Variants in TSHR observed in about 807,000 individuals in gnomAD.
The protein encoded by TSHR is thyroid stimulating hormone receptor.
Under a neutral mutation model 64.1 loss-of-function variants are expected in TSHR, and 51 were observed. The ratio of observed to expected loss-of-function variants is 0.80; its 90% CI spans 0.64 to 1.01. The LOEUF (loss-of-function observed/expected upper bound fraction) is 1.01. Ranked by LOEUF, TSHR falls within the 50% of genes least tolerant of loss-of-function variation. TSHR has a pLI of 0.00. For synonymous variants in TSHR, 361 were observed against 361.9 expected (o/e 1.00, Z 0.03); for missense variants, 877 against 942.8 (o/e 0.93, Z 0.91).
At chr14:81,087,824 TG>T in intron 3 of TSHR, 129 bp from the exon 4 acceptor site, 1 of 763,664 alleles carries the variant, frequency 1.3e-6, no homozygotes. Context: ...CTACAGCCCC[TG>T]GGGTACCCTG....
At chr14:81,095,074 T>C (rs1365305294) in intron 6 of TSHR, among the ~76,000 whole-genome samples, 3 of 152,126 alleles carry the variant, frequency 2.0e-5, no homozygotes, top group African/African-American at 7.2e-5. Context: ...ATGTGGTAGA[T>C]TACTGTGGTT....
intron 8 of TSHR, among the ~76,000 whole-genome samples, chr14:81,132,709 T>G (rs1302383123): frequency 6.6e-6 from 1 of 152,194 alleles, no homozygotes; most frequent in African/African-American, 2.4e-5. Context: ...GCCCATTGCT[T>G]GATGAGCTCT....
At chr14:80,980,098 T>G (rs1231248713) in intron 1 of TSHR, among the ~76,000 whole-genome samples, 3 of 152,236 alleles carry the variant, frequency 2.0e-5, no homozygotes, top group Non-Finnish European at 4.4e-5. Flanking sequence ...TTTCAGCCAC[T>G]TTGAACTATT....
chr14:80,974,843 G>T (rs1263086175), intron 1 of TSHR, among the ~76,000 whole-genome samples: 1 of 152,280 alleles, frequency 6.6e-6, no homozygotes, highest in Non-Finnish European at 1.5e-5. Flanking sequence ...CTGGTATAAA[G>T]CTATGTCAGC....
chr14:81,143,354 T>C lies in TSHR; in HGVS notation c.1296T>C (p.Asn432=), dbSNP rs764820087. The change falls in exon 10 of 10, where the codon AAT becomes AAC. Residue 432 remains asparagine, a synonymous_variant. Coordinates refer to ENST00000298171, the MANE Select transcript of TSHR (RefSeq NM_000369.5). ...TTAGTCTGCTGGCTCTCCTGGGCAA[T>C]GTCTTTGTCCTGCTTATTCTCCTCA... ...WFVSLLALLG[N]VFVLLILLTS... is the part of the protein sequence containing the mutation. 24 of 1,614,080 alleles carry C rather than the reference T, an allele frequency of 1.5e-5. No individual in the cohort carries two copies. Among genetic ancestry groups the C allele is most frequent in the African/African-American group, 2.7e-5 (2 of 74,926 alleles).
chr14:80,998,735 T>C (rs1566755528), intron 1 of TSHR, among the ~76,000 whole-genome samples: 1 of 151,992 alleles, frequency 6.6e-6, no homozygotes, highest in Non-Finnish European at 1.5e-5. Context: ...GTGTGTGCAA[T>C]AGAGTAGAAG....
intron 8 of TSHR, among the ~76,000 whole-genome samples, chr14:81,112,074 T>TC (rs1011967700): frequency 2.6e-5 from 4 of 152,108 alleles, no homozygotes; most frequent in African/African-American, 9.7e-5. Flanking sequence ...GAAAATGCTT[T>TC]CCCTGCCTCT....
chr14:80,996,783 G>A (rs1034350566), intron 1 of TSHR, among the ~76,000 whole-genome samples: 1 of 151,994 alleles, frequency 6.6e-6, no homozygotes, highest in East Asian at 1.9e-4. Context: ...AGGTGGGTGC[G>A]GATGGTGGGA....
intron 4 of TSHR, among the ~76,000 whole-genome samples, chr14:81,088,409 A>C (rs866113508): frequency 6.6e-6 from 1 of 152,244 alleles, no homozygotes; most frequent in African/African-American, 2.4e-5. Flanking sequence ...AAACCCACAA[A>C]GAGTAAAATA....
intron 8 of TSHR, among the ~76,000 whole-genome samples, chr14:81,109,114 C>T (rs1444191255): frequency 6.6e-6 from 1 of 152,100 alleles, no homozygotes; most frequent in African/African-American, 2.4e-5. Context: ...TAGTCCTTGC[C>T]AAAGTGGATC....
rs372613205 is a variant in TSHR at position 81,144,743 on chromosome 14, A to G, written c.*390A>G. 9.3e-5 allele frequency: 25 copies of G among 268,822 alleles called. No homozygotes were observed. The highest frequency in any genetic ancestry group is 3.9e-4 in the African/African-American group (18 of 46,028). The allele number at this position is 268,822 out of a possible 1,614,324, so 16.7% of individuals were successfully genotyped here. A position where few individuals can be genotyped will look rare whatever the true frequency, so the allele number is the denominator to read the frequency against. ...AAAGATTCAGCAAATGGAAAATGCT[A>G]TTAATTTGGTTGGTGACCACAAGAT... On this transcript the variant is annotated 3_prime_UTR_variant, in exon 10 of 10. Transcript: ENST00000298171.
intron 8 of TSHR, among the ~76,000 whole-genome samples, chr14:81,122,200 A>G (rs1890831126): frequency 6.6e-6 from 1 of 150,394 alleles, no homozygotes; most frequent in African/African-American, 2.4e-5. Context: ...CCAACACCAT[A>G]CCTGGCTAAT....
chr14:81,063,508 T>C (rs1421201566), intron 2 of TSHR, among the ~76,000 whole-genome samples: 1 of 152,184 alleles, frequency 6.6e-6, no homozygotes, highest in Non-Finnish European at 1.5e-5. Flanking sequence ...CCTTCTCTTT[T>C]AACAGCACCA....
chr14:80,968,381 T>G (rs1352674374), intron 1 of TSHR, among the ~76,000 whole-genome samples: 1 of 151,804 alleles, frequency 6.6e-6, no homozygotes, highest in East Asian at 1.9e-4. Context: ...GTCCTTACTT[T>G]TTTTTTTTTT....
chr14:81,097,436 TCTC>T (rs572572148), intron 7 of TSHR, among the ~76,000 whole-genome samples: 4 of 152,204 alleles, frequency 2.6e-5, no homozygotes, highest in Non-Finnish European at 5.9e-5. Flanking sequence ...GTATGGGGCT[TCTC>T]AAACCTTCCT....
At chr14:81,093,058 C>T (rs1392346829) in intron 6 of TSHR, among the ~76,000 whole-genome samples, 2 of 152,210 alleles carry the variant, frequency 1.3e-5, no homozygotes, top group Non-Finnish European at 2.9e-5. Context: ...CCCCATTCTA[C>T]AGAAGAAGAA....
chr14:81,019,916 A>G (rs1223788440), intron 1 of TSHR, among the ~76,000 whole-genome samples: 2 of 152,162 alleles, frequency 1.3e-5, no homozygotes, highest in African/African-American at 4.8e-5. Flanking sequence ...GCTGCAATAA[A>G]CATACATGTG....
At chr14:81,005,197 T>TTGTGTGTGTG (rs71103894) in intron 1 of TSHR, among the ~76,000 whole-genome samples, 93 of 149,900 alleles carry the variant, frequency 6.2e-4, no homozygotes, top group African/African-American at 1.2e-3. Context: ...ACTCAAGCCT[T>TTGTGTGTGTG]TGTGTGTGTG....
chr14:81,084,990 C>T (rs1195664617), intron 3 of TSHR, among the ~76,000 whole-genome samples: 1 of 152,180 alleles, frequency 6.6e-6, no homozygotes, highest in Non-Finnish European at 1.5e-5. Flanking sequence ...GAGACAGAGT[C>T]TTGCTTTTTC....
Sources: allele counts gnomAD v4.1 joint callset (sites outside exome capture counted in the v4.1 genomes callset), GRCh38; gene constraint gnomAD v4.1.1; transcripts MANE v1.5; gene names NCBI Gene and HGNC (gene_info 2026-07-23, HGNC 2026-07-21).